The following EVI5 variants were observed in gnomAD, a reference collection of about 807,000 sequenced individuals.
The protein encoded by EVI5 is ecotropic viral integration site 5 protein homolog.
In EVI5, 73 loss-of-function variants were observed where a neutral mutation model predicts 112.0. The observed-to-expected ratio is 0.65, with a 90% CI of 0.54 to 0.79. The LOEUF (loss-of-function observed/expected upper bound fraction) is 0.79, where lower values mean the gene tolerates loss of function less well. EVI5 is among the 30% of genes least tolerant of loss of function. The pLI, the probability that EVI5 is intolerant of heterozygous loss-of-function variation, is 0.00. For synonymous variants in EVI5, 305 were observed against 319.9 expected (o/e 0.95, Z 0.50); for missense variants, 900 against 968.8 (o/e 0.93, Z 0.94).
chr1:92,582,540 T>C (rs1270349871), intron 18 of EVI5, among the ~76,000 whole-genome samples: 1 of 151,858 alleles, frequency 6.6e-6, no homozygotes, highest in South Asian at 2.1e-4. Flanking sequence ...AGCCTTAATG[T>C]AGGAATGAAA....
intron 2 of EVI5, among the ~76,000 whole-genome samples, chr1:92,735,062 T>C (rs1003723416): frequency 1.3e-5 from 2 of 152,178 alleles, no homozygotes; most frequent in Non-Finnish European, 2.9e-5. Context: ...TGAAAAACAG[T>C]TTGGCAGTTA....
chr1:92,621,001 A>T (rs1277709518), intron 16 of EVI5, among the ~76,000 whole-genome samples: 1 of 152,032 alleles, frequency 6.6e-6, no homozygotes, highest in Non-Finnish European at 1.5e-5. Flanking sequence ...GTGTATAGTT[A>T]TTTATTCATT....
chr1:92,690,211 G>C (rs1258993204), intron 9 of EVI5, among the ~76,000 whole-genome samples: 2 of 152,114 alleles, frequency 1.3e-5, no homozygotes, highest in Non-Finnish European at 2.9e-5. Flanking sequence ...GTTTCCAGTA[G>C]AATGAAGTTA....
intron 16 of EVI5, 34 bp downstream of exon 16, chr1:92,624,142 T>A: frequency 6.4e-7 from 1 of 1,566,212 alleles, no homozygotes; most frequent in Non-Finnish European, 8.8e-7. Flanking sequence ...CAGCTAATGA[T>A]ACTTTTTAAA....
intron 18 of EVI5, among the ~76,000 whole-genome samples, chr1:92,600,026 C>T (rs928354507): frequency 1.3e-5 from 2 of 152,058 alleles, no homozygotes; most frequent in Admixed American, 6.5e-5. Context: ...GTTACAACAA[C>T]AGTTCAGGTA....
intron 13 of EVI5, among the ~76,000 whole-genome samples, chr1:92,652,051 T>A (rs996873892): frequency 3.3e-5 from 5 of 152,152 alleles, no homozygotes; most frequent in Non-Finnish European, 5.9e-5. Flanking sequence ...TAGGGCAATG[T>A]TCATAGCAAC....
intron 13 of EVI5, among the ~76,000 whole-genome samples, chr1:92,645,786 A>G (rs1411361814): frequency 6.6e-6 from 1 of 152,154 alleles, no homozygotes; most frequent in Non-Finnish European, 1.5e-5. Flanking sequence ...GATACTCCAA[A>G]TTAATGTCTC....
At chr1:92,749,163 G>T in intron 1 of EVI5, 1 of 269,744 alleles carries the variant, frequency 3.7e-6, no homozygotes, top group Non-Finnish European at 7.1e-6. Flanking sequence ...TTGTATTATA[G>T]TCATGATGAT....
At chr1:92,617,613 T>C (rs1181404352) in intron 16 of EVI5, among the ~76,000 whole-genome samples, 2 of 152,186 alleles carry the variant, frequency 1.3e-5, no homozygotes, top group African/African-American at 2.4e-5. Flanking sequence ...CTCAGCAACA[T>C]GGATTTCCAC....
chr1:92,685,496 G>C (rs1345218975), intron 9 of EVI5, among the ~76,000 whole-genome samples: 1 of 152,138 alleles, frequency 6.6e-6, no homozygotes, highest in Non-Finnish European at 1.5e-5. Context: ...AAAAGAACTA[G>C]AGAAGCAAGA....
intron 1 of EVI5, among the ~76,000 whole-genome samples, chr1:92,780,508 A>G (rs1414432185): frequency 6.6e-6 from 1 of 152,238 alleles, no homozygotes; most frequent in Non-Finnish European, 1.5e-5. Context: ...AGCTTATTAT[A>G]AAGTTACATT....
intron 1 of EVI5, among the ~76,000 whole-genome samples, chr1:92,747,881 C>T (rs1679548525): frequency 6.6e-6 from 1 of 152,006 alleles, no homozygotes; most frequent in African/African-American, 2.4e-5. Flanking sequence ...CCAGTAATGA[C>T]CAGCATTTCT....
At chr1:92,732,898 CAAAAAAA>C (rs3042602) in intron 2 of EVI5, among the ~76,000 whole-genome samples, 2 of 89,080 alleles carry the variant, frequency 2.2e-5, no homozygotes, top group African/African-American at 7.8e-5. Flanking sequence ...GACTCCATCT[CAAAAAAA>C]AAAAAAAAAA....
At chr1:92,614,823 G>A (rs137989679) in intron 16 of EVI5, among the ~76,000 whole-genome samples, 2,912 of 115,046 alleles carry the variant, frequency 0.025, 58 homozygotes, top group Non-Finnish European at 0.033. Context: ...TAATATACAT[G>A]TATTTTATGT....
chr1:92,556,060 TC>T (rs1170500977), intron 19 of EVI5, among the ~76,000 whole-genome samples: 2 of 151,494 alleles, frequency 1.3e-5, no homozygotes, highest in African/African-American at 4.8e-5. Flanking sequence ...CTTTTTTCTT[TC>T]TTTCTTTTTT....
intron 11 of EVI5, among the ~76,000 whole-genome samples, chr1:92,664,972 C>T (rs929991040): frequency 2.0e-5 from 3 of 152,178 alleles, no homozygotes; most frequent in South Asian, 2.1e-4. Context: ...TTTCGGAGGC[C>T]GAGGCAGGCG....
chr1:92,664,988 C>T (rs894300410), intron 11 of EVI5, among the ~76,000 whole-genome samples: 12 of 152,118 alleles, frequency 7.9e-5, no homozygotes, highest in African/African-American at 2.9e-4. Flanking sequence ...AGGCGGATCA[C>T]GAGGTCAAGA....
chr1:92,642,048 T>C (rs1302466167), intron 13 of EVI5, among the ~76,000 whole-genome samples: 3 of 152,110 alleles, frequency 2.0e-5, no homozygotes, highest in Non-Finnish European at 2.9e-5. Context: ...GGAGAGTCAC[T>C]TGAACCCAAG....
chr1:92,565,225 G>A (rs1318612986), intron 18 of EVI5, among the ~76,000 whole-genome samples: 1 of 151,992 alleles, frequency 6.6e-6, no homozygotes, highest in Non-Finnish European at 1.5e-5. Flanking sequence ...GTCTTTCCAC[G>A]ATATTTTACA....
Sources: allele counts gnomAD v4.1 joint callset (sites outside exome capture counted in the v4.1 genomes callset), GRCh38; gene constraint gnomAD v4.1.1; transcripts MANE v1.5; gene names NCBI Gene and HGNC (gene_info 2026-07-23, HGNC 2026-07-21).